DROSHA: variants seen among roughly 807,000 people sequenced by gnomAD.
The protein encoded by DROSHA is drosha ribonuclease III, also known as ribonuclease 3.
Under a neutral mutation model 181.9 loss-of-function variants are expected in DROSHA, and 56 were observed. That is an observed-to-expected ratio of 0.31 (90% CI 0.25 to 0.38). The LOEUF (loss-of-function observed/expected upper bound fraction) is 0.38. Among genes scored for constraint, DROSHA ranks in the 10% least tolerant of loss-of-function variants. The pLI is 1.00. For synonymous variants in DROSHA, 524 were observed against 591.2 expected (o/e 0.89, Z 1.65); for missense variants, 1,218 against 1,743.5 (o/e 0.70, Z 5.37).
chr5:31,419,104 G>C (rs1259420130), intron 30 of DROSHA, among the ~76,000 whole-genome samples: 1 of 152,168 alleles, frequency 6.6e-6, no homozygotes, highest in Non-Finnish European at 1.5e-5. Context: ...GGCTGAGAAA[G>C]AGTAGCTAAA....
chr5:31,508,824 T>TG (rs1561273062), intron 9 of DROSHA, 49 bp from the exon 10 acceptor site: 1 of 1,364,278 alleles, frequency 7.3e-7, no homozygotes, highest in East Asian at 2.5e-5. Context: ...ATTAACAAAC[T>TG]GGTTTTTTTT....
intron 10 of DROSHA, among the ~76,000 whole-genome samples, chr5:31,507,250 C>T (rs915770184): frequency 3.9e-5 from 6 of 152,102 alleles, no homozygotes; most frequent in South Asian, 2.1e-4. Flanking sequence ...CACCTGAGGT[C>T]GGGAGTTCGA....
chr5:31,446,185 G>GC (rs1561172584), intron 23 of DROSHA, among the ~76,000 whole-genome samples: 1 of 152,038 alleles, frequency 6.6e-6, no homozygotes, highest in African/African-American at 2.4e-5. Context: ...GGTGGCTCAC[G>GC]CCTGTAATCC....
chr5:31,427,783 T>A (rs910218028), intron 27 of DROSHA, among the ~76,000 whole-genome samples: 1 of 152,214 alleles, frequency 6.6e-6, no homozygotes, highest in Non-Finnish European at 1.5e-5. Flanking sequence ...TAGGCTTTCA[T>A]GATGCCTTAT....
intron 17 of DROSHA, among the ~76,000 whole-genome samples, chr5:31,469,962 C>T (rs1749547061): frequency 6.6e-6 from 1 of 152,170 alleles, no homozygotes; most frequent in African/African-American, 2.4e-5. Flanking sequence ...TCTTTCAAAG[C>T]AAGTCCTACA....
At chr5:31,475,599 C>T (rs1263670361) in intron 16 of DROSHA, among the ~76,000 whole-genome samples, 1 of 152,168 alleles carries the variant, frequency 6.6e-6, no homozygotes, top group Non-Finnish European at 1.5e-5. Context: ...AGAACTGCCA[C>T]ACTAACTAGG....
intron 13 of DROSHA, among the ~76,000 whole-genome samples, chr5:31,489,839 A>T (rs1752177907): frequency 6.6e-6 from 1 of 152,174 alleles, no homozygotes; most frequent in Admixed American, 6.5e-5. Flanking sequence ...TGAGAATACG[A>T]CAAAATACGG....
intron 30 of DROSHA, among the ~76,000 whole-genome samples, chr5:31,420,197 G>A (rs1317454220): frequency 6.6e-6 from 1 of 152,166 alleles, no homozygotes; most frequent in Non-Finnish European, 1.5e-5. Context: ...ATTCAAAGCA[G>A]AACACACATA....
intron 5 of DROSHA, among the ~76,000 whole-genome samples, chr5:31,522,935 A>G (rs796395946): frequency 2.0e-5 from 3 of 152,218 alleles, no homozygotes; most frequent in African/African-American, 7.2e-5. Flanking sequence ...CCCTAAGACA[A>G]TCTTGCAATT....
intron 30 of DROSHA, 42 bp from the exon 31 acceptor site, chr5:31,410,929 T>C (rs1459428409): frequency 6.2e-7 from 1 of 1,610,242 alleles, no homozygotes; most frequent in Non-Finnish European, 8.5e-7. Flanking sequence ...CACATTTCAC[T>C]TTTGACCTCT....
In DROSHA at chr5:31,515,510, A is replaced by T. The variant is rs527502114; in HGVS notation, c.1002T>A (p.Pro334=). The change falls in exon 7 of 36, where the codon CCT becomes CCA. Residue 334 remains proline, a synonymous_variant. Coordinates refer to ENST00000344624, the MANE Select transcript of DROSHA (RefSeq NM_001382508.1). ...PEPAGCTPEL[P]GEIIKNTDSW... ...AATCTGTATTTTTAATAATCTCCCC[A>T]GGTAATTCTGGTGTGCATCCAGCAG... 6.6e-7 allele frequency: 1 copy of T among 1,514,580 alleles called. No homozygotes were observed. Among genetic ancestry groups the T allele is most frequent in the South Asian group, 1.2e-5 (1 of 83,314 alleles). The allele number at this position is 1,514,580 out of a possible 1,614,324, so 93.8% of individuals were successfully genotyped here.
At chr5:31,448,703 T>A in intron 22 of DROSHA, 96 bp from the exon 23 acceptor site, 1 of 916,292 alleles carries the variant, frequency 1.1e-6, no homozygotes, top group Non-Finnish European at 1.7e-6. Flanking sequence ...CATCTCAATG[T>A]GATTTTAAAA....
intron 20 of DROSHA, among the ~76,000 whole-genome samples, chr5:31,463,698 T>C (rs1483871772): frequency 6.6e-6 from 1 of 152,222 alleles, no homozygotes; most frequent in East Asian, 1.9e-4. Flanking sequence ...GTCAGTTACA[T>C]ATAGCAGAAA....
intron 13 of DROSHA, among the ~76,000 whole-genome samples, chr5:31,492,968 ACT>A (rs1752581781): frequency 6.6e-6 from 1 of 152,010 alleles, no homozygotes; most frequent in South Asian, 2.1e-4. Context: ...TCAAAATGTT[ACT>A]CTGACACTTG....
At chr5:31,429,577 G>A (rs1312804187) in intron 26 of DROSHA, 32 bp from the exon 27 acceptor site, 2 of 1,586,376 alleles carry the variant, frequency 1.3e-6, no homozygotes, top group East Asian at 2.2e-5. Flanking sequence ...CCAAAAGAGA[G>A]TCTCCATCAA....
At position 31,518,106 on chromosome 5, in the gene DROSHA, C is replaced by T. The variant is rs773559137; in HGVS notation, c.948-2542G>A. 6.0e-5 allele frequency among the ~76,000 whole-genome samples: 9 copies of T among 151,096 alleles called. No homozygotes were observed. The South Asian group carries it at 6.4e-4, about 11-fold the overall frequency. ...TAGCCTACTACACACCTCGGACAGG[C>T]GGTATAGCCTGTTGCTACTAGGCTA... On this transcript the variant is annotated intron_variant, in intron 6 of 35. Transcript: ENST00000344624.
intron 20 of DROSHA, among the ~76,000 whole-genome samples, chr5:31,460,867 T>C (rs1561197331): frequency 6.6e-6 from 1 of 152,040 alleles, no homozygotes; most frequent in Non-Finnish European, 1.5e-5. Flanking sequence ...TATAAGAAAT[T>C]AAATATCATT....
In DROSHA at chr5:31,401,446, C is replaced by A; in HGVS notation, c.4111G>T (p.Asp1371Tyr). ...CATGCCCTCCTTTATTTCTTGATGTCTTCAGTCTCATCTGGCTCTCTCTCT... is the reference window on the plus strand; with the variant it reads ...CATGCCCTCCTTTATTTCTTGATGTATTCAGTCTCATCTGGCTCTCTCTCT... ...HQEREPDETE[D>Y]IKK is the part of the protein sequence containing the mutation. Residue 1371 changes from aspartate (D) to tyrosine (Y), a missense_variant, in exon 36 of 36, where the codon GAC becomes TAC. By Grantham distance (160) the Asp-to-Tyr change is radical. Coordinates refer to ENST00000344624, the MANE Select transcript of DROSHA (RefSeq NM_001382508.1). 6.2e-7 allele frequency: 1 copy of A among 1,613,086 alleles called. No individual in the cohort carries two copies. Among genetic ancestry groups the A allele is most frequent in the Non-Finnish European group, 8.5e-7 (1 of 1,179,328 alleles).
chr5:31,446,472 C>A (rs1746309443), intron 23 of DROSHA, among the ~76,000 whole-genome samples: 1 of 123,084 alleles, frequency 8.1e-6, no homozygotes. Flanking sequence ...AAAAAGATTC[C>A]ATTTATAACA....
Sources: allele counts gnomAD v4.1 joint callset (sites outside exome capture counted in the v4.1 genomes callset), GRCh38; gene constraint gnomAD v4.1.1; transcripts MANE v1.5; gene names NCBI Gene and HGNC (gene_info 2026-07-23, HGNC 2026-07-21).